The following GRIK1 variants were observed in gnomAD, a reference collection of about 807,000 sequenced individuals.
GRIK1 encodes glutamate ionotropic receptor kainate type subunit 1, also known as glutamate receptor ionotropic, kainate 1.
In GRIK1, 69 loss-of-function variants were observed where a neutral mutation model predicts 105.7. That is an observed-to-expected ratio of 0.65 (90% CI 0.54 to 0.80). GRIK1 has a LOEUF of 0.80. Among genes scored for constraint, GRIK1 ranks in the 30% least tolerant of loss-of-function variants. GRIK1 has a pLI of 0.00. For synonymous variants in GRIK1, 438 were observed against 431.3 expected, an observed-to-expected ratio of 1.02 and a Z score of -0.19; for missense variants, 1,109 against 1,167.3, an observed-to-expected ratio of 0.95 and a Z score of 0.73.
chr21:29,714,407 T>G (rs1399319179), intron 1 of GRIK1, among the ~76,000 whole-genome samples: 1 of 152,084 alleles, frequency 6.6e-6, no homozygotes, highest in Non-Finnish European at 1.5e-5. Context: ...AGAAATACAA[T>G]GTGTATTTTC....
intron 1 of GRIK1, among the ~76,000 whole-genome samples, chr21:29,718,188 A>C (rs1160796068): frequency 6.6e-6 from 1 of 152,218 alleles, no homozygotes; most frequent in Non-Finnish European, 1.5e-5. Context: ...TTATTTCTTC[A>C]TAGCAGCATG....
intron 1 of GRIK1, among the ~76,000 whole-genome samples, chr21:29,870,523 C>T (rs2068971461): frequency 6.6e-6 from 1 of 151,094 alleles, no homozygotes; most frequent in African/African-American, 2.4e-5. Context: ...ATAAATAATA[C>T]ATATAACATA....
chr21:29,882,474 G>A (rs1209538408), intron 1 of GRIK1, among the ~76,000 whole-genome samples: 2 of 152,076 alleles, frequency 1.3e-5, no homozygotes, highest in Non-Finnish European at 2.9e-5. Context: ...AGAAAGGAGG[G>A]CTGGTGGGTA....
At chr21:29,623,636 A>G (rs1017793641) in intron 7 of GRIK1, among the ~76,000 whole-genome samples, 1 of 152,164 alleles carries the variant, frequency 6.6e-6, no homozygotes, top group African/African-American at 2.4e-5. Context: ...AAATACCCTT[A>G]TTTCATGAAT....
At chr21:29,629,047 A>G (rs2062197126) in intron 7 of GRIK1, among the ~76,000 whole-genome samples, 1 of 152,200 alleles carries the variant, frequency 6.6e-6, no homozygotes, top group Non-Finnish European at 1.5e-5. Context: ...TACTAAGTGA[A>G]TAAAATGAAT....
At chr21:29,690,276 T>C (rs970708647) in intron 2 of GRIK1, among the ~76,000 whole-genome samples, 4 of 152,204 alleles carry the variant, frequency 2.6e-5, no homozygotes, top group Admixed American at 1.3e-4. Context: ...AGATGGAGTC[T>C]AAATCCCTTG....
chr21:29,874,322 T>C (rs908483610), intron 1 of GRIK1, among the ~76,000 whole-genome samples: 2 of 152,214 alleles, frequency 1.3e-5, no homozygotes, highest in East Asian at 3.9e-4. Flanking sequence ...GTTTCTGTTA[T>C]TAGAAATGGC....
chr21:29,861,943 A>G (rs972505117), intron 1 of GRIK1, among the ~76,000 whole-genome samples: 1 of 151,994 alleles, frequency 6.6e-6, no homozygotes, highest in Admixed American at 6.6e-5. Context: ...TCAATTTTTA[A>G]TTTTGTATTG....
At chr21:29,726,313 C>T (rs2064459784) in intron 1 of GRIK1, among the ~76,000 whole-genome samples, 1 of 152,044 alleles carries the variant, frequency 6.6e-6, no homozygotes, top group Non-Finnish European at 1.5e-5. Flanking sequence ...GTTTTTTTCT[C>T]ATAGATGAAA....
intron 1 of GRIK1, among the ~76,000 whole-genome samples, chr21:29,834,224 C>T (rs459249): frequency 9.3e-5 from 14 of 150,672 alleles, no homozygotes; most frequent in African/African-American, 3.2e-4. Context: ...TTACTACCCT[C>T]GGTTGCAAAT....
chr21:29,699,334 G>C (rs951574050), intron 1 of GRIK1, among the ~76,000 whole-genome samples: 6 of 152,178 alleles, frequency 3.9e-5, no homozygotes, highest in Non-Finnish European at 8.8e-5. Context: ...GAGGCGGCTA[G>C]GGTAGGCCTT....
rs557985742 is a variant in GRIK1 at position 29,797,914 on chromosome 21, T to A, written c.119-103851A>T. On this transcript the variant is annotated intron_variant, in intron 1 of 17. Coordinates refer to ENST00000327783, the MANE Select transcript of GRIK1 (RefSeq NM_001330994.2). The stretch of plus-strand genomic sequence containing the variant: ...TAGATACTGCATCCTACACTCTTCA[T>A]GAAATTCAGCTCTTTCTTCAGTGAT... 2.0e-5 allele frequency among the ~76,000 whole-genome samples: 3 copies of A among 152,340 alleles called. No homozygotes were observed. In the South Asian group the frequency reaches 6.2e-4, roughly 32 times the overall value.
chr21:29,939,303 C>T, intron 1 of GRIK1, 80 bp downstream of exon 1: 2 of 831,566 alleles, frequency 2.4e-6, no homozygotes, highest in East Asian at 2.7e-5. Context: ...CCGCGCGCTG[C>T]CTCGCCCGGG....
At chr21:29,540,101 C>T (rs1365814375) in intron 16 of GRIK1, among the ~76,000 whole-genome samples, 1 of 152,170 alleles carries the variant, frequency 6.6e-6, no homozygotes, top group Non-Finnish European at 1.5e-5. Context: ...TGACTTGACA[C>T]ACACAGAGGA....
At chr21:29,885,417 GA>G (rs1319693529) in intron 1 of GRIK1, among the ~76,000 whole-genome samples, 2 of 151,994 alleles carry the variant, frequency 1.3e-5, no homozygotes, top group East Asian at 3.9e-4. Flanking sequence ...CTTAACGTAA[GA>G]AAAATAAATT....
rs183590672 is a variant in GRIK1, at chr21:29,878,619, G to A, written c.118+60764C>T. ...ATCACTAATGTAATATTATTAGGAG[G>A]TGGGGTCTCTGGGAAGTAATGAGGT... is the stretch of plus-strand genomic sequence containing the variant. On this transcript the variant is annotated intron_variant, in intron 1 of 17. Transcript: ENST00000327783. Among the ~76,000 whole-genome samples, 6 of 152,208 alleles carry A rather than the reference G, an allele frequency of 3.9e-5. No homozygotes were observed. The East Asian group carries it at 9.7e-4, about 25-fold the overall frequency.
intron 1 of GRIK1, among the ~76,000 whole-genome samples, chr21:29,882,152 G>A (rs932037496): frequency 1.3e-5 from 2 of 152,042 alleles, no homozygotes; most frequent in African/African-American, 4.8e-5. Flanking sequence ...ACAGGCATTT[G>A]TTGTCCGTTT....
At chr21:29,824,700 G>A (rs1369784459) in intron 1 of GRIK1, among the ~76,000 whole-genome samples, 3 of 149,308 alleles carry the variant, frequency 2.0e-5, no homozygotes, top group East Asian at 1.9e-4. Flanking sequence ...GTCATTGCAC[G>A]TGAATTCAGA....
In GRIK1 at chr21:29,782,084, A is replaced by AT. The variant is rs1463936005; in HGVS notation, c.119-88022_119-88021insA. 5.1e-5 allele frequency among the ~76,000 whole-genome samples: 6 copies of AT among 117,390 alleles called. No individual in the cohort carries two copies. In the South Asian group the frequency reaches 1.6e-3, roughly 31 times the overall value. The allele number at this position is 117,390 out of a possible 152,430, so 77.0% of individuals were successfully genotyped here. The stretch of plus-strand genomic sequence containing the variant: ...ACTGTCCCGTATACAACACTGCAAC[A>AT]CCTTTTTTTTTTTTTTTTCTGAGAC... On this transcript the variant is annotated intron_variant, in intron 1 of 17. Transcript: ENST00000327783.
Sources: allele counts gnomAD v4.1 joint callset (sites outside exome capture counted in the v4.1 genomes callset), GRCh38; gene constraint gnomAD v4.1.1; transcripts MANE v1.5; gene names NCBI Gene and HGNC (gene_info 2026-07-23, HGNC 2026-07-21).